The following SLCO4C1 variants were observed in gnomAD, a reference collection of about 807,000 sequenced individuals.
SLCO4C1 encodes solute carrier organic anion transporter family member 4C1.
In SLCO4C1, 58 loss-of-function variants were observed where a neutral mutation model predicts 72.1. That is an observed-to-expected ratio of 0.80 (90% confidence interval 0.65 to 1.00). The LOEUF (loss-of-function observed/expected upper bound fraction) is 1.00. Ranked by LOEUF, SLCO4C1 falls within the 50% of genes least tolerant of loss-of-function variation. The pLI is 0.00. For synonymous variants in SLCO4C1, 297 were observed against 312.5 expected, an observed-to-expected ratio of 0.95 and a Z score of 0.52; for missense variants, 898 against 857.9, an observed-to-expected ratio of 1.05 and a Z score of -0.58.
At chr5:102,294,461 T>C (rs1353939699) in intron 1 of SLCO4C1, among the ~76,000 whole-genome samples, 2 of 152,176 alleles carry the variant, frequency 1.3e-5, no homozygotes, top group Non-Finnish European at 2.9e-5. Flanking sequence ...TTGATAACAA[T>C]TTTAGGCAAT....
intron 8 of SLCO4C1, among the ~76,000 whole-genome samples, chr5:102,253,009 CA>C (rs1748770482): frequency 1.3e-5 from 2 of 152,094 alleles, no homozygotes; most frequent in South Asian, 4.1e-4. Context: ...GCCTCTATAA[CA>C]GGCTAAAATT....
chr5:102,248,273 T>A (rs542449601), intron 9 of SLCO4C1, among the ~76,000 whole-genome samples: 39 of 152,216 alleles, frequency 2.6e-4, no homozygotes, highest in African/African-American at 9.1e-4. Context: ...ATATTGCCTA[T>A]CTGAAATATT....
rs182376041 is a variant in SLCO4C1, at chr5:102,252,403, A to C, written c.1470-2615T>G. 1.7e-3 allele frequency among the ~76,000 whole-genome samples: 264 copies of C among 152,322 alleles called. 2 individuals are homozygous for C. The highest frequency in any genetic ancestry group is 2.0e-3 in the Non-Finnish European group (138 of 68,030). On this transcript the variant is annotated intron_variant, in intron 8 of 12. Transcript: ENST00000310954. The stretch of plus-strand genomic sequence containing the variant: ...GATAGTAATCTGCCACTCTGCCTGC[A>C]GTCTCATCTTATTCAAATCTATTCC...
Position 102,291,388 on chromosome 5 carries a change from G to T in SLCO4C1, c.574C>A (p.Pro192Thr), listed in dbSNP as rs1749545271. The T allele has an allele frequency of 6.2e-7, 1 of 1,613,886 alleles. No individual in the cohort carries two copies. The highest frequency in any genetic ancestry group is 1.7e-5 in the Admixed American group (1 of 59,990). Reference sequence around the variant, plus strand: ...TTATATTCTCCACTGAAAAATTGTGGCAATGAGAATACAAGTGCTCCCAGT... The same window carrying T: ...TTATATTCTCCACTGAAAAATTGTGTCAATGAGAATACAAGTGCTCCCAGT... ...IGLGALVFSL[P>T]QFFSGEYKLG... Residue 192 changes from proline (P) to threonine (T), a missense_variant, in exon 2 of 13, where the codon CCA (proline) becomes ACA (threonine). Physicochemically the swap from Pro to Thr is conservative, Grantham distance 38 (BLOSUM62 -1). Transcript: ENST00000310954.
chr5:102,255,422 AAC>A (rs1273635661), intron 8 of SLCO4C1, among the ~76,000 whole-genome samples: 1 of 152,192 alleles, frequency 6.6e-6, no homozygotes, highest in Non-Finnish European at 1.5e-5. Context: ...TTCTAAAAGG[AAC>A]ATACAAAAAA....
chr5:102,247,740 T>C (rs895415602), intron 9 of SLCO4C1, among the ~76,000 whole-genome samples: 3 of 152,028 alleles, frequency 2.0e-5, no homozygotes, highest in Non-Finnish European at 2.9e-5. Context: ...ACCTTGCACA[T>C]TCTACACTTC....
chr5:102,290,662 T>G (rs1164592106), intron 2 of SLCO4C1, among the ~76,000 whole-genome samples: 1 of 152,230 alleles, frequency 6.6e-6, no homozygotes, highest in Non-Finnish European at 1.5e-5. Flanking sequence ...TATTTCTAAT[T>G]ATTTCAATAT....
At chr5:102,250,740 G>C (rs1262296801) in intron 8 of SLCO4C1, among the ~76,000 whole-genome samples, 1 of 152,132 alleles carries the variant, frequency 6.6e-6, no homozygotes, top group Non-Finnish European at 1.5e-5. Flanking sequence ...TGTAATCCCA[G>C]CACTTTGGGA....
intron 3 of SLCO4C1, among the ~76,000 whole-genome samples, chr5:102,269,823 T>C (rs1212507802): frequency 6.6e-6 from 1 of 152,156 alleles, no homozygotes. Context: ...ACAGTCACTC[T>C]TCCAATTTTA....
At chr5:102,257,644 G>T (rs1748861987) in intron 7 of SLCO4C1, among the ~76,000 whole-genome samples, 1 of 141,114 alleles carries the variant, frequency 7.1e-6, no homozygotes. Context: ...TTAAAGACAA[G>T]ATCTCATTCT....
chr5:102,257,698 A>G (rs1748863338), intron 7 of SLCO4C1, among the ~76,000 whole-genome samples: 1 of 150,556 alleles, frequency 6.6e-6, no homozygotes, highest in South Asian at 2.1e-4. Context: ...GGCTCGCTGC[A>G]GTCTCCACCT....
intron 2 of SLCO4C1, among the ~76,000 whole-genome samples, chr5:102,281,106 T>C (rs1580264318): frequency 1.3e-5 from 2 of 152,156 alleles, no homozygotes; most frequent in East Asian, 1.9e-4. Flanking sequence ...GGTGAAGTGA[T>C]ACATATATCA....
At chr5:102,265,581 G>A (rs1197531371) in intron 3 of SLCO4C1, among the ~76,000 whole-genome samples, 2 of 151,936 alleles carry the variant, frequency 1.3e-5, no homozygotes, top group Admixed American at 6.6e-5. Flanking sequence ...AGTCCCCAGT[G>A]TATATCCTTG....
intron 1 of SLCO4C1, among the ~76,000 whole-genome samples, chr5:102,293,940 C>G (rs62372166): frequency 0.2 from 30,448 of 151,910 alleles, 4,061 homozygotes; most frequent in Non-Finnish European, 0.26. Flanking sequence ...ACAGAGTTTC[C>G]CTCTGTTGCC....
intron 10 of SLCO4C1, among the ~76,000 whole-genome samples, chr5:102,242,637 C>G (rs1748566748): frequency 6.6e-6 from 1 of 152,086 alleles, no homozygotes; most frequent in Non-Finnish European, 1.5e-5. Context: ...ATACACCAGT[C>G]CTGACAGCGT....
At chr5:102,261,078 T>C (rs1748932918) in intron 5 of SLCO4C1, among the ~76,000 whole-genome samples, 1 of 152,126 alleles carries the variant, frequency 6.6e-6, no homozygotes, top group South Asian at 2.1e-4. Flanking sequence ...TAGAGAAAAA[T>C]GAATAGTCTT....
intron 2 of SLCO4C1, among the ~76,000 whole-genome samples, chr5:102,281,564 A>G (rs1226525115): frequency 6.6e-6 from 1 of 152,164 alleles, no homozygotes; most frequent in African/African-American, 2.4e-5. Flanking sequence ...TAGTACTCGG[A>G]AAACATAAAT....
intron 5 of SLCO4C1, among the ~76,000 whole-genome samples, chr5:102,260,774 C>T (rs1418227999): frequency 6.6e-6 from 1 of 151,958 alleles, no homozygotes. Context: ...ACATGCTTGA[C>T]AAATGAAATA....
intron 1 of SLCO4C1, among the ~76,000 whole-genome samples, chr5:102,292,853 C>T (rs1045327569): frequency 1.3e-5 from 2 of 151,740 alleles, no homozygotes; most frequent in African/African-American, 4.8e-5. Flanking sequence ...AAATTGTTTT[C>T]ATTCATTAAC....
Sources: allele counts gnomAD v4.1 joint callset (sites outside exome capture counted in the v4.1 genomes callset), GRCh38; gene constraint gnomAD v4.1.1; transcripts MANE v1.5; gene names NCBI Gene and HGNC (gene_info 2026-07-23, HGNC 2026-07-21).